Variants in SERPINI2 observed in about 807,000 individuals in gnomAD.
The protein encoded by SERPINI2 is serpin family I member 2.
In SERPINI2, 48 loss-of-function variants were observed where a neutral mutation model predicts 47.3. That is an observed-to-expected ratio of 1.02 (90% CI 0.81 to 1.29). The LOEUF is 1.29. SERPINI2 is among the 50% of genes most tolerant of loss of function. The pLI is 0.00. For synonymous variants in SERPINI2, 135 were observed against 149.3 expected, an observed-to-expected ratio of 0.90 and a Z score of 0.70; for missense variants, 448 against 456.9, an observed-to-expected ratio of 0.98 and a Z score of 0.18.
chr3:167,476,902 A>G, upstream of SERPINI2, among the ~76,000 whole-genome samples: 1 of 151,972 alleles, frequency 6.6e-6, no homozygotes, highest in Non-Finnish European at 1.5e-5. Context: ...TACTTTTATA[A>G]CATCTTAACA....
chr3:167,470,550 CTTTTTTT>C (rs536884425), intron 2 of SERPINI2, among the ~76,000 whole-genome samples: 11,392 of 92,716 alleles, frequency 0.12, 810 homozygotes, highest in East Asian at 0.37. Flanking sequence ...TGAGCAACAA[CTTTTTTT>C]TTTTTTTTTT....
chr3:167,452,788 TACA>T (rs1749677527), intron 6 of SERPINI2, 145 bp downstream of exon 6: 1 of 478,550 alleles, frequency 2.1e-6, no homozygotes, highest in South Asian at 5.3e-5. Context: ...AGTGCTTGTT[TACA>T]GACAGCTCAA....
At chr3:167,470,579 T>TTTTTTTTTTTTC (rs1750282022) in intron 2 of SERPINI2, among the ~76,000 whole-genome samples, 3 of 119,802 alleles carry the variant, frequency 2.5e-5, no homozygotes, top group African/African-American at 9.3e-5. Context: ...TTTTTTTTTT[T>TTTTTTTTTTTTC]GGAGAAGGAG....
chr3:167,444,394 A>G (rs976936552), intron 8 of SERPINI2, among the ~76,000 whole-genome samples: 1 of 152,176 alleles, frequency 6.6e-6, no homozygotes, highest in Non-Finnish European at 1.5e-5. Flanking sequence ...GTTTGGATCA[A>G]AGAAAATTTC....
At chr3:167,458,426 ATTTTTTT>A (rs34639120) in intron 5 of SERPINI2, among the ~76,000 whole-genome samples, 2 of 129,006 alleles carry the variant, frequency 1.6e-5, no homozygotes, top group East Asian at 4.5e-4. Context: ...AATTGTTTGT[ATTTTTTT>A]TTTTTTTTTT....
rs1344337464 is a variant in SERPINI2, at chr3:167,452,926, A to G, written c.964+10T>C. On this transcript the variant is annotated intron_variant, in intron 6 of 8. Transcript: ENST00000264677. Reference sequence around the variant, plus strand: ...TAACATCATAATATAAGAATTATTTATCATACTACCTGTTATTCCAGAAAG... The same window carrying G: ...TAACATCATAATATAAGAATTATTTGTCATACTACCTGTTATTCCAGAAAG... 3 of 1,516,958 alleles carry G rather than the reference A, an allele frequency of 2.0e-6. No individual in the cohort carries two copies. The highest frequency in any genetic ancestry group is 3.7e-5 in the Admixed American group (2 of 54,134). 94.0% of individuals were successfully genotyped at this position (1,516,958 alleles called of 1,614,324 possible).
intron 6 of SERPINI2, 96 bp from the exon 7 acceptor site, chr3:167,449,498 A>T: frequency 3.4e-6 from 2 of 585,828 alleles, no homozygotes; most frequent in South Asian, 5.7e-5. Context: ...TTATTTATTT[A>T]TTTATTTATT....
intron 6 of SERPINI2, among the ~76,000 whole-genome samples, chr3:167,449,814 A>G (rs988546323): frequency 1.3e-5 from 2 of 152,216 alleles, no homozygotes; most frequent in Non-Finnish European, 2.9e-5. Context: ...TCAAATGATC[A>G]AAGACAAGGA....
chr3:167,465,344 C>T lies in SERPINI2; in HGVS notation c.728G>A (p.Gly243Asp), dbSNP rs186546562. Residue 243 changes from glycine (G) to aspartate (D), a missense_variant, in exon 5 of 9, where the codon GGT (glycine) becomes GAT (aspartate). Gly to Asp is a moderately conservative substitution (Grantham distance 94, BLOSUM62 -1). Transcript: ENST00000264677. ...TATGATAATTAAGCTAAATTCATCA[C>T]CTTTGTAAGACAATTCTAAAACTTG... 5.9e-5 allele frequency: 95 copies of T among 1,611,910 alleles called. No homozygotes were observed. The highest frequency in any genetic ancestry group is 8.0e-5 in the African/African-American group (6 of 74,768).
chr3:167,476,771 T>C (rs1032541563), upstream of SERPINI2, among the ~76,000 whole-genome samples: 1 of 152,064 alleles, frequency 6.6e-6, no homozygotes, highest in Non-Finnish European at 1.5e-5. Context: ...AGGTGCATTC[T>C]ATTTATATGT....
At chr3:167,443,063 G>A (rs35945922) in intron 8 of SERPINI2, among the ~76,000 whole-genome samples, 29,096 of 152,162 alleles carry the variant, frequency 0.19, 4,129 homozygotes, top group African/African-American at 0.39. Context: ...AAATAACATG[G>A]AAATAGACAT....
intron 8 of SERPINI2, among the ~76,000 whole-genome samples, chr3:167,444,336 A>T (rs550609694): frequency 1.7e-4 from 26 of 152,278 alleles, no homozygotes; most frequent in African/African-American, 6.3e-4. Flanking sequence ...TATAAAATTC[A>T]TCTGATAGGA....
intron 5 of SERPINI2, among the ~76,000 whole-genome samples, chr3:167,459,091 T>TC (rs1749905709): frequency 6.6e-6 from 1 of 151,382 alleles, no homozygotes; most frequent in African/African-American, 2.4e-5. Flanking sequence ...TTTTTTTTTT[T>TC]TGAGACGGAG....
chr3:167,449,432 T>C, intron 6 of SERPINI2, 30 bp from the exon 7 acceptor site: 1 of 1,406,804 alleles, frequency 7.1e-7, no homozygotes, highest in Non-Finnish European at 9.9e-7. Context: ...CAAAAGTGTA[T>C]TTAAGAGTTA....
At chr3:167,456,150 CTG>C (rs68048909) in intron 5 of SERPINI2, among the ~76,000 whole-genome samples, 9,772 of 144,328 alleles carry the variant, frequency 0.068, 813 homozygotes, top group African/African-American at 0.2. Context: ...TCAATTACCT[CTG>C]TGTGTGTGTG....
chr3:167,452,367 C>T (rs1420738921), intron 6 of SERPINI2, among the ~76,000 whole-genome samples: 1 of 152,060 alleles, frequency 6.6e-6, no homozygotes, highest in Non-Finnish European at 1.5e-5. Context: ...TACAAGTGAA[C>T]GTGTTAACCA....
At position 167,466,625 on chromosome 3, in the gene SERPINI2, T is replaced by C. The variant is rs187522179; in HGVS notation, c.478+430A>G. 6.4e-3 allele frequency among the ~76,000 whole-genome samples: 968 copies of C among 152,244 alleles called. 5 individuals are homozygous for C. The highest frequency in any genetic ancestry group is 0.01 in the Non-Finnish European group (698 of 68,000). On this transcript the variant is annotated intron_variant, in intron 3 of 8. Coordinates refer to ENST00000264677, the Ensembl canonical transcript of SERPINI2. ...GACTACCATGTTTATGATAGAAATATTAACATTTATTATTAAATATTAACA... is the reference window on the plus strand; with the variant it reads ...GACTACCATGTTTATGATAGAAATACTAACATTTATTATTAAATATTAACA...
exon 7 of SERPINI2, chr3:167,449,398 T>A (rs6770577): frequency 0.38 from 612,311 of 1,592,158 alleles, 119,919 homozygotes; most frequent in East Asian, 0.4. Context: ...ACACTTCAGA[T>A]GAATCTGGTT....
chr3:167,465,785 G>A (rs1750116657), intron 3 of SERPINI2, 112 bp from the exon 4 acceptor site: 3 of 800,910 alleles, frequency 3.7e-6, no homozygotes, highest in African/African-American at 1.7e-5. Context: ...TTTTGGATAG[G>A]GCATGTTATC....
Sources: gnomAD v4.1 joint callset for allele counts (sites outside exome capture counted in the v4.1 genomes callset) on GRCh38, gnomAD v4.1.1 for gene constraint, MANE v1.5 for transcripts, NCBI Gene and HGNC (gene_info 2026-07-23, HGNC 2026-07-21) for gene names.